Variants in CYTH2 observed in about 807,000 individuals in gnomAD.
The protein encoded by CYTH2 is cytohesin-2.
In CYTH2, 24 loss-of-function variants were observed where a neutral mutation model predicts 55.4. The ratio of observed to expected loss-of-function variants is 0.43; its 90% CI spans 0.31 to 0.61. The LOEUF (loss-of-function observed/expected upper bound fraction) is 0.61, where lower values mean the gene tolerates loss of function less well. Among genes scored for constraint, CYTH2 ranks in the 20% least tolerant of loss-of-function variants. CYTH2 has a pLI of 0.08. For synonymous variants in CYTH2, 221 were observed against 209.6 expected, an observed-to-expected ratio of 1.05 and a Z score of -0.47; for missense variants, 378 against 533.5, an observed-to-expected ratio of 0.71 and a Z score of 2.87.
intron 8 of CYTH2, chr19:48,477,773 C>T (rs967844165): frequency 5.6e-5 from 25 of 447,124 alleles, no homozygotes; most frequent in Admixed American, 3.9e-4. Context: ...GAGGGGGCTG[C>T]CCTGGCGCCC....
rs373320119 is a variant in CYTH2, at chr19:48,469,487, C to T, written c.-21C>T. 700 of 1,319,240 alleles carry T rather than the reference C, an allele frequency of 5.3e-4. 2 individuals are homozygous for T. The highest frequency in any genetic ancestry group is 6.1e-4 in the Non-Finnish European group (627 of 1,025,998). 81.7% of individuals were successfully genotyped at this position (1,319,240 alleles called of 1,614,324 possible). On this transcript the variant is annotated 5_prime_UTR_variant, in exon 1 of 12. Coordinates refer to ENST00000452733, the MANE Select transcript of CYTH2 (RefSeq NM_004228.7). ...GACTGGCGGGACCGCCCCGGATTCC[C>T]CGCGGGCCTTCCTAGCCGCCATGGA...
chr19:48,472,471 G>GCGCCCCCCCCC, intron 4 of CYTH2, 28 bp downstream of exon 4: 2 of 1,584,684 alleles, frequency 1.3e-6, no homozygotes, highest in Non-Finnish European at 8.6e-7. Context: ...CTCCTGTGGG[G>GCGCCCCCCCCC]CCCCTCCCTC....
chr19:48,470,488 C>T lies in CYTH2; in HGVS notation c.155C>T (p.Ala52Val), dbSNP rs1195036176. Residue 52 changes from alanine to valine, a missense_variant, in exon 2 of 12, where the codon GCC becomes GTC. Coordinates refer to ENST00000452733, the MANE Select transcript of CYTH2 (RefSeq NM_004228.7). ...EAMSEVEGLEANEGSKTLQRN... is the reference protein window; with the variant it reads ...EAMSEVEGLEVNEGSKTLQRN... The stretch of plus-strand genomic sequence containing the variant: ...ATGAGCGAGGTGGAGGGGCTGGAGG[C>T]CAATGAGGGCAGGTGAGGGCTGGGG... 2 of 1,613,744 alleles carry T rather than the reference C, an allele frequency of 1.2e-6. No individual in the cohort carries two copies.
At chr19:48,470,574 AC>A in intron 2 of CYTH2, 28 bp from the exon 3 acceptor site, 1 of 1,614,030 alleles carries the variant, frequency 6.2e-7, no homozygotes, top group East Asian at 2.2e-5. Context: ...TTGACCCTCC[AC>A]CCCCAACCCT....
intron 4 of CYTH2, 62 bp from the exon 5 acceptor site, chr19:48,473,236 C>A (rs1262036851): frequency 7.7e-6 from 12 of 1,558,868 alleles, no homozygotes; most frequent in South Asian, 2.2e-5. Flanking sequence ...CAGGGCATTG[C>A]CCTTTGCCCA....
chr19:48,477,950 G>A (rs1173530631), intron 8 of CYTH2, 119 bp from the exon 9 acceptor site: 2 of 753,162 alleles, frequency 2.7e-6, no homozygotes, highest in African/African-American at 3.5e-5. Context: ...CAGCGGCTTT[G>A]TCTAGGCCCC....
intron 1 of CYTH2, 78 bp downstream of exon 1, chr19:48,469,604 C>T: frequency 3.8e-6 from 5 of 1,320,412 alleles, no homozygotes; most frequent in East Asian, 3.1e-5. Flanking sequence ...AACGTTTCCC[C>T]CTGGCGCGCG....
Position 48,470,589 on chromosome 19 carries a change from C to G in CYTH2, c.168-14C>G. The G allele has an allele frequency of 1.9e-6, 3 of 1,614,230 alleles. No homozygotes were observed. In the East Asian group the frequency reaches 6.7e-5, roughly 36 times the overall value. On this transcript the variant is annotated splice_polypyrimidine_tract_variant and intron_variant, in intron 2 of 11. Transcript: ENST00000452733. ...TTGACCCTCCACCCCCAACCCTGCTCTCTGCTCCTGCAGTAAGACCTTGCA... is the reference window on the plus strand; with the variant it reads ...TTGACCCTCCACCCCCAACCCTGCTGTCTGCTCCTGCAGTAAGACCTTGCA...
Position 48,473,296 on chromosome 19 carries a change from A to C in CYTH2, c.354-2A>C. On this transcript the variant is annotated splice_acceptor_variant, in intron 4 of 11. Coordinates refer to ENST00000452733, the MANE Select transcript of CYTH2 (RefSeq NM_004228.7). LOFTEE classifies it high-confidence loss of function. Reference sequence around the variant, plus strand: ...GTATGTGTCTTTGTCCCATCCTTCCAGGGAAGAACTGAACCTGGCAGTGCT... The same window carrying C: ...GTATGTGTCTTTGTCCCATCCTTCCCGGGAAGAACTGAACCTGGCAGTGCT... 1 of 1,613,900 alleles carries C rather than the reference A, an allele frequency of 6.2e-7. No individual in the cohort carries two copies. The highest frequency in any genetic ancestry group is 1.3e-5 in the African/African-American group (1 of 74,986).
At position 48,478,367 on chromosome 19, in the gene CYTH2, C is replaced by T. The variant is rs374660881; in HGVS notation, c.957+21C>T. ...AACCGGTAAGACCCTCTCTGTACAC[C>T]TTCCTGCCAGGGCGGGGCCTCCTCT... On this transcript the variant is annotated intron_variant, in intron 10 of 11. Coordinates refer to ENST00000452733, the MANE Select transcript of CYTH2 (RefSeq NM_004228.7). 15 of 1,613,804 alleles carry T rather than the reference C, an allele frequency of 9.3e-6. No individual in the cohort carries two copies. The African/African-American group carries it at 1.5e-4, about 16-fold the overall frequency.
chr19:48,470,221 C>G, intron 1 of CYTH2, 132 bp from the exon 2 acceptor site: 1 of 1,337,446 alleles, frequency 7.5e-7, no homozygotes, highest in South Asian at 1.4e-5. Context: ...ATCCAGGCCC[C>G]CAGCCCATTC....
chr19:48,475,328 T>G, intron 8 of CYTH2: 1 of 192,300 alleles, frequency 5.2e-6, no homozygotes, highest in Non-Finnish European at 1.1e-5. Flanking sequence ...CTGGAATCTA[T>G]TCCCCTTGGC....
chr19:48,473,741 G>C (rs1475640923), intron 5 of CYTH2, 164 bp from the exon 6 acceptor site: 4 of 624,694 alleles, frequency 6.4e-6, no homozygotes, highest in African/African-American at 5.5e-5. Flanking sequence ...ACACTCCCGT[G>C]GCCAATGCCC....
At chr19:48,473,520 C>A in intron 5 of CYTH2, 142 bp downstream of exon 5, 1 of 808,216 alleles carries the variant, frequency 1.2e-6, no homozygotes. Context: ...TGTCCTGCAC[C>A]ATAAAAGTTC....
At position 48,479,104 on chromosome 19, in the gene CYTH2, G is replaced by T; in HGVS notation, c.1113-19G>T. 1 of 1,613,650 alleles carries T rather than the reference G, an allele frequency of 6.2e-7. No individual in the cohort carries two copies. Among genetic ancestry groups the T allele is most frequent in the East Asian group, 2.2e-5 (1 of 44,868 alleles). On this transcript the variant is annotated intron_variant, in intron 11 of 11. Coordinates refer to ENST00000452733, the MANE Select transcript of CYTH2 (RefSeq NM_004228.7). ...CTGGACTCCTTGGCCCTCATCCTGGGACCCCTCCCCTTCTGCAGGGCGGCT... is the reference window on the plus strand; with the variant it reads ...CTGGACTCCTTGGCCCTCATCCTGGTACCCCTCCCCTTCTGCAGGGCGGCT...
chr19:48,470,242 A>G, intron 1 of CYTH2, 111 bp from the exon 2 acceptor site: 1 of 1,442,140 alleles, frequency 6.9e-7, no homozygotes, highest in Non-Finnish European at 9.3e-7. Context: ...TTCTGTGCAG[A>G]CATAGGAAGC....
Position 48,474,930 on chromosome 19 carries a change from G to A in CYTH2, c.789G>A (p.Glu263=). ...ACACCTTCTTCAACCCGGACCGGGA[G>A]GGCTGGCTCCTGAAGCTGGGTACGT... The part of the protein sequence containing the change: ...LTHTFFNPDR[E]GWLLKLGGRV... Residue 263 remains glutamate, a synonymous_variant, in exon 8 of 12, where the codon GAG becomes GAA. Transcript: ENST00000452733. This position sits in a 1 kb window ranked among gnomAD's most constrained non-coding sequence, Gnocchi z 4.9. The A allele has an allele frequency of 6.2e-7, 1 of 1,614,216 alleles. No individual in the cohort carries two copies. The highest frequency in any genetic ancestry group is 8.5e-7 in the Non-Finnish European group (1 of 1,180,040).
At chr19:48,475,081 T>C in intron 8 of CYTH2, 132 bp downstream of exon 8, 1 of 758,268 alleles carries the variant, frequency 1.3e-6, no homozygotes, top group South Asian at 1.8e-5. Context: ...ACCTCAGTTT[T>C]CCACACCCAA....
chr19:48,473,692 G>A (rs79232596), intron 5 of CYTH2: 11,142 of 599,354 alleles, frequency 0.019, 168 homozygotes, highest in East Asian at 0.042. Context: ...CCTGTCTAGC[G>A]AACTTAGCAG....
Sources: gnomAD v4.1 joint callset for allele counts on GRCh38, gnomAD v4.1.1 for gene constraint, Gnocchi (gnomAD v3.1) non-coding constraint, MANE v1.5 for transcripts, NCBI Gene and HGNC (gene_info 2026-07-23, HGNC 2026-07-21) for gene names.